Variants in METTL15 observed in about 807,000 individuals in gnomAD.
The protein encoded by METTL15 is 12S rRNA N(4)-cytidine methyltransferase METTL15.
In METTL15, 34 loss-of-function variants were observed where a neutral mutation model predicts 38.3. That is an observed-to-expected ratio of 0.89 (90% CI 0.68 to 1.18). The LOEUF (loss-of-function observed/expected upper bound fraction) is 1.18. METTL15 is among the 50% of genes most tolerant of loss of function. METTL15 has a pLI of 0.00. For synonymous variants in METTL15, 162 were observed against 170.9 expected, an observed-to-expected ratio of 0.95 and a Z score of 0.41; for missense variants, 438 against 498.4, an observed-to-expected ratio of 0.88 and a Z score of 1.15.
chr11:28,257,123 C>G (rs1286375124), intron 4 of METTL15, among the ~76,000 whole-genome samples: 3 of 152,088 alleles, frequency 2.0e-5, no homozygotes, highest in East Asian at 3.9e-4. Flanking sequence ...CTGAGAAAGT[C>G]TTTTCATGTA....
At chr11:28,122,101 T>G in intron 3 of METTL15, 1 of 1,185,418 alleles carries the variant, frequency 8.4e-7, no homozygotes, top group South Asian at 1.7e-5. Context: ...TAACTCCATC[T>G]TACTCACTCA....
chr11:28,381,407 G>C (rs1219559528), intron 5 of METTL15, among the ~76,000 whole-genome samples: 2 of 152,144 alleles, frequency 1.3e-5, no homozygotes, highest in South Asian at 4.2e-4. Flanking sequence ...TCTTTTGCAA[G>C]TTTTGTAGTC....
At chr11:28,410,387 A>C (rs554135767) in intron 5 of METTL15, among the ~76,000 whole-genome samples, 3 of 152,272 alleles carry the variant, frequency 2.0e-5, no homozygotes, top group Non-Finnish European at 4.4e-5. Flanking sequence ...AATAGTAGCA[A>C]ACTGAATTCA....
At chr11:28,213,985 A>G (rs995326716) in intron 4 of METTL15, among the ~76,000 whole-genome samples, 3 of 152,250 alleles carry the variant, frequency 2.0e-5, no homozygotes, top group African/African-American at 4.8e-5. Context: ...AATCCTGACC[A>G]TGGTAAATTT....
At chr11:28,204,472 A>G (rs16917816) in intron 3 of METTL15, among the ~76,000 whole-genome samples, 33 of 97,704 alleles carry the variant, frequency 3.4e-4, no homozygotes, top group African/African-American at 1.2e-3. Context: ...GTAAAAAGGG[A>G]TATAATGCCA....
At chr11:28,178,899 A>T (rs1851178072) in intron 3 of METTL15, among the ~76,000 whole-genome samples, 1 of 151,830 alleles carries the variant, frequency 6.6e-6, no homozygotes, top group African/African-American at 2.4e-5. Flanking sequence ...TTTTGACATC[A>T]TCAAGAAAAC....
intron 4 of METTL15, among the ~76,000 whole-genome samples, chr11:28,259,000 A>C (rs1472537063): frequency 6.6e-6 from 1 of 152,142 alleles, no homozygotes; most frequent in Non-Finnish European, 1.5e-5. Flanking sequence ...AGCTGAAGCC[A>C]GCAAGTCTCA....
At position 28,346,788 on chromosome 11, in the gene METTL15, G is replaced by A. The variant is rs192891376; in HGVS notation, c.*190-5302G>A. ...ATAGTTACTAACCAGCATGTGTTTC[G>A]TGTACAACAACTTGTGTTCCATAAT... On this transcript the variant is annotated intron_variant and NMD_transcript_variant, in intron 3 of 7. Transcript: ENST00000532947. Among the ~76,000 whole-genome samples the A allele has an allele frequency of 2.1e-3, 316 of 152,090 alleles. 2 individuals carry two copies. Among genetic ancestry groups the A allele is most frequent in the African/African-American group, 6.4e-3 (264 of 41,514 alleles).
intron 3 of METTL15, among the ~76,000 whole-genome samples, chr11:28,187,503 A>C (rs1207545217): frequency 1.3e-5 from 2 of 149,528 alleles, no homozygotes; most frequent in Non-Finnish European, 1.5e-5. Flanking sequence ...CTGGTACATA[A>C]GAACACAATA....
At chr11:28,119,056 T>C (rs550527501) in intron 3 of METTL15, among the ~76,000 whole-genome samples, 1 of 152,308 alleles carries the variant, frequency 6.6e-6, no homozygotes, top group East Asian at 1.9e-4. Flanking sequence ...TCTGGAACTC[T>C]CCTCATCTTC....
rs147192658 is a variant in METTL15, at chr11:28,225,778, C to T, written c.407+14580C>T. ...CAAAGATGACTTTTTGTTTTAGTAACCTCTCTACCCTTATTTCTATTTTCT... is the reference window on the plus strand; with the variant it reads ...CAAAGATGACTTTTTGTTTTAGTAATCTCTCTACCCTTATTTCTATTTTCT... On this transcript the variant is annotated intron_variant, in intron 4 of 6. Transcript: ENST00000407364. Among the ~76,000 whole-genome samples the T allele has an allele frequency of 9.0e-4, 137 of 151,774 alleles. 1 individual carries two copies. The highest frequency in any genetic ancestry group is 3.3e-3 in the African/African-American group (136 of 41,486).
intron 6 of METTL15, among the ~76,000 whole-genome samples, chr11:28,507,199 A>T (rs755855126): frequency 3.3e-5 from 5 of 152,176 alleles, no homozygotes; most frequent in Non-Finnish European, 7.3e-5. Flanking sequence ...TAATTGATTC[A>T]AAGTCCTGCA....
At chr11:28,271,679 A>G (rs576338024) in intron 4 of METTL15, among the ~76,000 whole-genome samples, 2 of 152,204 alleles carry the variant, frequency 1.3e-5, no homozygotes, top group African/African-American at 4.8e-5. Context: ...GAATAAATAT[A>G]TAGGTCAAGA....
intron 3 of METTL15, among the ~76,000 whole-genome samples, chr11:28,183,514 A>G (rs1851374107): frequency 6.6e-6 from 1 of 152,052 alleles, no homozygotes; most frequent in African/African-American, 2.4e-5. Context: ...TATTGAGATA[A>G]TCGTTTGGTT....
At chr11:28,484,245 A>T (rs1851419746) in intron 6 of METTL15, among the ~76,000 whole-genome samples, 1 of 152,180 alleles carries the variant, frequency 6.6e-6, no homozygotes, top group Admixed American at 6.5e-5. Flanking sequence ...GCTTACTTTT[A>T]TTACAAAGAA....
chr11:28,312,242 T>C (rs990317786), intron 6 of METTL15, among the ~76,000 whole-genome samples: 5 of 152,162 alleles, frequency 3.3e-5, no homozygotes, highest in Non-Finnish European at 4.4e-5. Context: ...TTATGATTGT[T>C]GAATGGAGAT....
chr11:28,193,774 A>T (rs1430209461), intron 3 of METTL15, among the ~76,000 whole-genome samples: 1 of 152,098 alleles, frequency 6.6e-6, no homozygotes, highest in Non-Finnish European at 1.5e-5. Flanking sequence ...ACTATATCCC[A>T]TGTTCAAGTT....
intron 6 of METTL15, among the ~76,000 whole-genome samples, chr11:28,463,009 T>G (rs1391940174): frequency 6.6e-6 from 1 of 152,064 alleles, no homozygotes; most frequent in Admixed American, 6.6e-5. Flanking sequence ...AATGACAGAA[T>G]TTTTTCTCAG....
At chr11:28,285,137 T>C (rs750549908) in intron 4 of METTL15, among the ~76,000 whole-genome samples, 1 of 152,166 alleles carries the variant, frequency 6.6e-6, no homozygotes, top group Non-Finnish European at 1.5e-5. Context: ...CCTTCCACCA[T>C]GATTATAAAT....
Sources: allele counts gnomAD v4.1 joint callset (sites outside exome capture counted in the v4.1 genomes callset), GRCh38; gene constraint gnomAD v4.1.1; transcripts MANE v1.5; gene names NCBI Gene and HGNC (gene_info 2026-07-23, HGNC 2026-07-21).